The following MLEC variants were observed in gnomAD, a reference collection of about 807,000 sequenced individuals.
MLEC encodes the protein malectin.
Under a neutral mutation model 28.7 loss-of-function variants are expected in MLEC, and 7 were observed. The ratio of observed to expected loss-of-function variants is 0.24; its 90% CI spans 0.14 to 0.46. The LOEUF is 0.46. Ranked by LOEUF, MLEC falls within the 20% of genes least tolerant of loss-of-function variation. The probability of loss-of-function intolerance (pLI) is 0.99; values close to 1 mark genes in which losing one functional copy is unlikely to be tolerated. For synonymous variants in MLEC, 142 were observed against 164.4 expected (o/e 0.86, Z 1.04); for missense variants, 237 against 391.1 (o/e 0.61, Z 3.32).
Position 120,696,300 on chromosome 12 carries a change from T to A in MLEC, c.650-16T>A. 1 of 1,613,614 alleles carries A rather than the reference T, an allele frequency of 6.2e-7. No individual in the cohort carries two copies. The highest frequency in any genetic ancestry group is 1.1e-5 in the South Asian group (1 of 90,936). ...AAATGCTGTGGGTCTTAACAGTGTT[T>A]TCTTCCTTGTGTTAGATGTACCAAA... is the stretch of plus-strand genomic sequence containing the variant. On this transcript the variant is annotated splice_polypyrimidine_tract_variant and intron_variant, in intron 4 of 4. Coordinates refer to ENST00000228506, the MANE Select transcript of MLEC (RefSeq NM_014730.4). The surrounding 1 kb of genome is among the most constrained non-coding windows in gnomAD (Gnocchi z 5.4).
intron 1 of MLEC, among the ~76,000 whole-genome samples, chr12:120,692,539 A>T (rs1209596791): frequency 1.3e-5 from 2 of 152,098 alleles, no homozygotes; most frequent in African/African-American, 4.8e-5. Flanking sequence ...TGTCACTTAC[A>T]GGAACTGTTA....
intron 1 of MLEC, among the ~76,000 whole-genome samples, chr12:120,689,378 G>A (rs182950210): frequency 1.4e-4 from 22 of 152,274 alleles, no homozygotes; most frequent in Admixed American, 1.4e-3. Flanking sequence ...TCCTATTTCG[G>A]ACACTGGCCC....
At chr12:120,693,939 A>T (rs1882128356) in intron 1 of MLEC, 152 bp from the exon 2 acceptor site, 2 of 608,342 alleles carry the variant, frequency 3.3e-6, no homozygotes. Flanking sequence ...CCTTTGTTGG[A>T]GCTCTGTTTG....
At position 120,698,392 on chromosome 12, in the gene MLEC, T is replaced by C. The variant is rs1269614610; in HGVS notation, c.*1847T>C. ...TGACTTGGGTCTCAGTGCTAGGGTA[T>C]TGAGTCAGGCAGCTGGAGGGTTGTG... On this transcript the variant is annotated 3_prime_UTR_variant, in exon 5 of 5. Coordinates refer to ENST00000228506, the MANE Select transcript of MLEC (RefSeq NM_014730.4). 1 of 152,222 alleles carries C rather than the reference T, an allele frequency of 6.6e-6. No individual in the cohort carries two copies. The highest frequency in any genetic ancestry group is 2.4e-5 in the African/African-American group (1 of 41,426). 9.4% of individuals were successfully genotyped at this position (152,222 alleles called of 1,614,324 possible).
chr12:120,687,384 G>C lies in MLEC; in HGVS notation c.88G>C (p.Gly30Arg). 7.3e-7 allele frequency: 1 copy of C among 1,370,472 alleles called. No individual in the cohort carries two copies. The highest frequency in any genetic ancestry group is 3.8e-5 in the Admixed American group (1 of 26,204). 84.9% of individuals were successfully genotyped at this position (1,370,472 alleles called of 1,614,324 possible). ...GCTGCCGCCGGCGATCCGGGGACCCGGGCTCGGCGTGGCCGGCGTGGCCGG... is the reference window on the plus strand; with the variant it reads ...GCTGCCGCCGGCGATCCGGGGACCCCGGCTCGGCGTGGCCGGCGTGGCCGG... ...LLLPPAIRGP[G>R]LGVAGVAGAA... The change falls in exon 1 of 5, where the codon GGG (glycine) becomes CGG (arginine). Residue 30 changes from glycine to arginine, a missense_variant. Coordinates refer to ENST00000228506, the MANE Select transcript of MLEC (RefSeq NM_014730.4). The surrounding 1 kb of genome is among the most constrained non-coding windows in gnomAD (Gnocchi z 8.1).
In MLEC at chr12:120,694,080, T is replaced by C. The variant is rs766901689; in HGVS notation, c.236-11T>C. The C allele has an allele frequency of 5.6e-6, 9 of 1,610,546 alleles. No homozygotes were observed. Among genetic ancestry groups the C allele is most frequent in the South Asian group, 4.4e-5 (4 of 90,648 alleles). ...CCTCTGATGTGCTTTCTCTTTGTCT[T>C]TTGTCCTCAGCCTCAGACTATGGCA... On this transcript the variant is annotated splice_polypyrimidine_tract_variant and intron_variant, in intron 1 of 4. Transcript: ENST00000228506. This position sits in a 1 kb window ranked among gnomAD's most constrained non-coding sequence, Gnocchi z 4.5.
In MLEC at chr12:120,687,649, TTC is replaced by T. The variant is rs988036824; in HGVS notation, c.235+124_235+125del. The T allele has an allele frequency of 1.4e-5, 10 of 735,308 alleles. No homozygotes were observed. The highest frequency in any genetic ancestry group is 1.8e-5 in the Non-Finnish European group (9 of 500,154). The allele number at this position is 735,308 out of a possible 1,614,324, so 45.5% of individuals were successfully genotyped here. A position where few individuals can be genotyped will look rare whatever the true frequency, so the allele number is the denominator to read the frequency against. ...TGGGGCCGCGTCTCTGGAGCGAAGT[TTC>T]TCTCTGCAGCTTCTTCGGGGGCCCG... is the stretch of plus-strand genomic sequence containing the variant. On this transcript the variant is annotated intron_variant, in intron 1 of 4. Coordinates refer to ENST00000228506, the MANE Select transcript of MLEC (RefSeq NM_014730.4). This position sits in a 1 kb window ranked among gnomAD's most constrained non-coding sequence, Gnocchi z 8.1.
Position 120,694,956 on chromosome 12 carries a change from G to C in MLEC, c.547G>C (p.Glu183Gln), listed in dbSNP as rs1422579105. 2 of 1,614,186 alleles carry C rather than the reference G, an allele frequency of 1.2e-6. No homozygotes were observed. Among genetic ancestry groups the C allele is most frequent in the Middle Eastern group, 3.3e-4 (2 of 6,062 alleles). ...IRKGKLSVQG[E>Q]VSTFTGKLYI... is the part of the protein sequence containing the mutation. ...AAAGGGGAAGCTGAGTGTCCAGGGG[G>C]AGGTGTCCACCTTCACAGGGAAACT... The change falls in exon 3 of 5, where the codon GAG (glutamate) becomes CAG (glutamine). Residue 183 changes from glutamate to glutamine, a missense_variant. Transcript: ENST00000228506. This position sits in a 1 kb window ranked among gnomAD's most constrained non-coding sequence, Gnocchi z 4.5.
In MLEC at chr12:120,697,640, A is replaced by G. The variant is rs1440063691; in HGVS notation, c.*1095A>G. 1.3e-5 allele frequency: 2 copies of G among 152,700 alleles called. No homozygotes were observed. The highest frequency in any genetic ancestry group is 3.8e-4 in the East Asian group (2 of 5,198). The allele number at this position is 152,700 out of a possible 1,614,324, so 9.5% of individuals were successfully genotyped here. On this transcript the variant is annotated 3_prime_UTR_variant, in exon 5 of 5. Coordinates refer to ENST00000228506, the MANE Select transcript of MLEC (RefSeq NM_014730.4). This position sits in a 1 kb window ranked among gnomAD's most constrained non-coding sequence, Gnocchi z 4.8. The stretch of plus-strand genomic sequence containing the variant: ...TGGATTAGAAAAGGCTTATGTTAGC[A>G]TAGCTTAAGAGCAACCTCAGAGATT...
Position 120,687,358 on chromosome 12 carries a change from T to C in MLEC, c.62T>C (p.Leu21Pro). ...GCGCTCCTGCGACTGCTGCTGCTGCTGCTGCCGCCGGCGATCCGGGGACCC... is the reference window on the plus strand; with the variant it reads ...GCGCTCCTGCGACTGCTGCTGCTGCCGCTGCCGCCGGCGATCCGGGGACCC... ...AVALLRLLLL[L>P]LPPAIRGPGL... The change falls in exon 1 of 5, where the codon CTG (leucine) becomes CCG (proline). Residue 21 changes from leucine to proline, a missense_variant. Transcript: ENST00000228506. The surrounding 1 kb of genome is among the most constrained non-coding windows in gnomAD (Gnocchi z 8.1). 1.4e-6 allele frequency: 2 copies of C among 1,381,834 alleles called. No homozygotes were observed. Among genetic ancestry groups the C allele is most frequent in the Admixed American group, 3.9e-5 (1 of 25,468 alleles). 85.6% of individuals were successfully genotyped at this position (1,381,834 alleles called of 1,614,324 possible).
In MLEC at chr12:120,687,412, C is replaced by T. The variant is rs375755832; in HGVS notation, c.116C>T (p.Ala39Val). 1.3e-4 allele frequency: 179 copies of T among 1,388,836 alleles called. No individual in the cohort carries two copies. Among genetic ancestry groups the T allele is most frequent in the Middle Eastern group, 6.9e-4 (3 of 4,378 alleles). The allele number at this position is 1,388,836 out of a possible 1,614,324, so 86.0% of individuals were successfully genotyped here. The change falls in exon 1 of 5, where the codon GCG becomes GTG. Residue 39 changes from alanine (A) to valine (V), a missense_variant. Physicochemically the swap from Ala to Val is moderately conservative, Grantham distance 64. Coordinates refer to ENST00000228506, the MANE Select transcript of MLEC (RefSeq NM_014730.4). This position sits in a 1 kb window ranked among gnomAD's most constrained non-coding sequence, Gnocchi z 8.1. Reference protein sequence around the residue: ...PGLGVAGVAGAAGAGLPESVI... With the variant: ...PGLGVAGVAGVAGAGLPESVI... ...CTCGGCGTGGCCGGCGTGGCCGGCG[C>T]GGCGGGGGCCGGGCTGCCCGAGAGC...
rs911196368 is a variant in MLEC at position 120,692,946 on chromosome 12, C to T, written c.236-1145C>T. On this transcript the variant is annotated intron_variant, in intron 1 of 4. Coordinates refer to ENST00000228506, the MANE Select transcript of MLEC (RefSeq NM_014730.4). Reference sequence around the variant, plus strand: ...TTTGCACAAAAAAGATTCGGCCTGGCGCGGTGGCTCACGCCTGTAATCCTA... The same window carrying T: ...TTTGCACAAAAAAGATTCGGCCTGGTGCGGTGGCTCACGCCTGTAATCCTA... Among the ~76,000 whole-genome samples the T allele has an allele frequency of 4.6e-5, 7 of 151,842 alleles. No individual in the cohort carries two copies. The East Asian group carries it at 5.8e-4, about 13-fold the overall frequency.
intron 1 of MLEC, among the ~76,000 whole-genome samples, chr12:120,693,187 G>A (rs1882102031): frequency 6.6e-6 from 1 of 152,226 alleles, no homozygotes; most frequent in Admixed American, 6.5e-5. Context: ...AAATGTGAAA[G>A]GTGATTCCCC....
chr12:120,687,208 C>T lies in MLEC; in HGVS notation c.-89C>T. ...TCCCCGGCGGCTCAGGCGGAGCGGC[C>T]CGTGGCGCTGTTTTTCTGAGTCCGG... is the stretch of plus-strand genomic sequence containing the variant. On this transcript the variant is annotated 5_prime_UTR_variant, in exon 1 of 5. Coordinates refer to ENST00000228506, the MANE Select transcript of MLEC (RefSeq NM_014730.4). The surrounding 1 kb of genome is among the most constrained non-coding windows in gnomAD (Gnocchi z 8.1). 2 of 1,288,732 alleles carry T rather than the reference C, an allele frequency of 1.6e-6. No individual in the cohort carries two copies. Among genetic ancestry groups the T allele is most frequent in the South Asian group, 2.3e-5 (1 of 43,174 alleles). The allele number at this position is 1,288,732 out of a possible 1,614,324, so 79.8% of individuals were successfully genotyped here.
intron 1 of MLEC, among the ~76,000 whole-genome samples, chr12:120,688,359 G>A (rs1347646557): frequency 1.3e-5 from 2 of 152,196 alleles, no homozygotes; most frequent in Admixed American, 6.5e-5. Context: ...CAGATTCCTA[G>A]TCCCCACTCG....
chr12:120,695,408 TG>T (rs2137419925), intron 4 of MLEC, among the ~76,000 whole-genome samples: 1 of 152,340 alleles, frequency 6.6e-6, no homozygotes, highest in South Asian at 2.1e-4. Context: ...CCCTATAAAT[TG>T]GGATTAATAA....
In MLEC at chr12:120,694,979, A is replaced by G; in HGVS notation, c.570A>G (p.Lys190=). Residue 190 remains lysine, a synonymous_variant, in exon 3 of 5, where the codon AAA becomes AAG. Coordinates refer to ENST00000228506, the MANE Select transcript of MLEC (RefSeq NM_014730.4). The surrounding 1 kb of genome is among the most constrained non-coding windows in gnomAD (Gnocchi z 4.5). The part of the protein sequence containing the change: ...VQGEVSTFTG[K]LYIEFVKGYY... ...GGGAGGTGTCCACCTTCACAGGGAAACTCTACATTGAGTTTGTCAAGGTAA... is the reference window on the plus strand; with the variant it reads ...GGGAGGTGTCCACCTTCACAGGGAAGCTCTACATTGAGTTTGTCAAGGTAA... 2 of 1,614,020 alleles carry G rather than the reference A, an allele frequency of 1.2e-6. No homozygotes were observed. Among genetic ancestry groups the G allele is most frequent in the Non-Finnish European group, 1.7e-6 (2 of 1,179,980 alleles).
intron 1 of MLEC, among the ~76,000 whole-genome samples, chr12:120,691,641 A>G (rs1163445715): frequency 1.3e-5 from 2 of 152,202 alleles, no homozygotes; most frequent in African/African-American, 4.8e-5. Context: ...GGGAGGAACA[A>G]CCCTTGTTTG....
Position 120,699,000 on chromosome 12 carries a change from A to T in MLEC, c.*2455A>T, listed in dbSNP as rs1299168470. 1 of 152,642 alleles carries T rather than the reference A, an allele frequency of 6.6e-6. No individual in the cohort carries two copies. The highest frequency in any genetic ancestry group is 1.5e-5 in the Non-Finnish European group (1 of 68,046). 9.5% of individuals were successfully genotyped at this position (152,642 alleles called of 1,614,324 possible). On this transcript the variant is annotated 3_prime_UTR_variant, in exon 5 of 5. Transcript: ENST00000228506. The stretch of plus-strand genomic sequence containing the variant: ...CCCCTGGAGCCAAGCCTATCCAGCT[A>T]ACAAGAGCTCCCTGGGGCTGGTCAC...
Sources: gnomAD v4.1 joint callset for allele counts (sites outside exome capture counted in the v4.1 genomes callset) on GRCh38, gnomAD v4.1.1 for gene constraint, Gnocchi (gnomAD v3.1) non-coding constraint, MANE v1.5 for transcripts, NCBI Gene and HGNC (gene_info 2026-07-23, HGNC 2026-07-21) for gene names.